RDH11: variants seen among roughly 807,000 people sequenced by gnomAD.
The protein encoded by RDH11 is HCV core-binding protein HCBP12.
A neutral mutation model predicts 33.4 loss-of-function variants in RDH11; 19 were observed. The observed-to-expected ratio is 0.57, with a 90% CI of 0.40 to 0.83. The LOEUF (loss-of-function observed/expected upper bound fraction) is 0.83. Among genes scored for constraint, RDH11 ranks in the 40% least tolerant of loss-of-function variants. The pLI, the probability that RDH11 is intolerant of heterozygous loss-of-function variation, is 0.00. For synonymous variants in RDH11, 154 were observed against 155.3 expected, an observed-to-expected ratio of 0.99 and a Z score of 0.06; for missense variants, 353 against 389.0, an observed-to-expected ratio of 0.91 and a Z score of 0.78.
chr14:67,690,757 G>C (rs1048929764), intron 4 of RDH11: 9 of 388,250 alleles, frequency 2.3e-5, no homozygotes, highest in African/African-American at 1.8e-4. Flanking sequence ...GCTGAGGCAG[G>C]AAGGTGCCTG....
rs371708534 is a variant in RDH11, at chr14:67,679,856, T to TAA, written c.855-1434_855-1433insTT. 3.0e-4 allele frequency among the ~76,000 whole-genome samples: 46 copies of TAA among 152,386 alleles called. 1 individual carries two copies. Among genetic ancestry groups the TAA allele is most frequent in the African/African-American group, 1.1e-3 (45 of 41,588 alleles). ...AAATGATTGAATGTATTACAATCTT[T>TAA]AGTCATGTGAGGAAACAATTTTTAA... On this transcript the variant is annotated intron_variant, in intron 6 of 6. Coordinates refer to ENST00000381346, the MANE Select transcript of RDH11 (RefSeq NM_016026.4).
At chr14:67,694,929 C>T (rs1429132233) in intron 1 of RDH11, among the ~76,000 whole-genome samples, 2 of 152,150 alleles carry the variant, frequency 1.3e-5, no homozygotes, top group Non-Finnish European at 2.9e-5. Flanking sequence ...GCCGGTTTTA[C>T]AGCCCGCTGC....
intron 1 of RDH11, among the ~76,000 whole-genome samples, chr14:67,693,853 G>A (rs555925395): frequency 6.6e-6 from 1 of 152,020 alleles, no homozygotes; most frequent in Non-Finnish European, 1.5e-5. Flanking sequence ...GTTTCACCAC[G>A]CTGGCCAGGA....
chr14:67,682,973 A>G (rs559962886), intron 6 of RDH11, among the ~76,000 whole-genome samples: 1 of 152,382 alleles, frequency 6.6e-6, no homozygotes, highest in South Asian at 2.1e-4. Context: ...AAAAGAAGTC[A>G]GTCACAAAAG....
chr14:67,679,993 G>C (rs997456515), intron 6 of RDH11, among the ~76,000 whole-genome samples: 1 of 152,180 alleles, frequency 6.6e-6, no homozygotes, highest in Non-Finnish European at 1.5e-5. Flanking sequence ...ACTATGTCAA[G>C]TAAGACAGTG....
rs1340145610 is a variant in RDH11, at chr14:67,678,459, T to C, written c.855-36A>G. Reference sequence around the variant, plus strand: ...AAGAGAAAGGTATGAAGCACAGTGTTAAGAATGAAGTCTGCCATCTGCCAG... The same window carrying C: ...AAGAGAAAGGTATGAAGCACAGTGTCAAGAATGAAGTCTGCCATCTGCCAG... On this transcript the variant is annotated intron_variant, in intron 6 of 6. Transcript: ENST00000381346. The C allele has an allele frequency of 2.1e-6, 3 of 1,445,828 alleles. No homozygotes were observed. The African/African-American group carries it at 4.2e-5, about 20-fold the overall frequency. 89.6% of individuals were successfully genotyped at this position (1,445,828 alleles called of 1,614,324 possible).
At chr14:67,694,356 T>A (rs1427945496) in intron 1 of RDH11, among the ~76,000 whole-genome samples, 1 of 151,240 alleles carries the variant, frequency 6.6e-6, no homozygotes, top group African/African-American at 2.4e-5. Flanking sequence ...CCAGCAGGAA[T>A]GAAAGAGACA....
At position 67,695,717 on chromosome 14, in the gene RDH11, A is replaced by T; in HGVS notation, c.-14T>A. 6.2e-7 allele frequency: 1 copy of T among 1,613,360 alleles called. No homozygotes were observed. Among genetic ancestry groups the T allele is most frequent in the Non-Finnish European group, 8.5e-7 (1 of 1,179,418 alleles). Reference sequence around the variant, plus strand: ...GAGCTCAACCATCTCTGCCGGCTGCAGCGGCACCAGAGCGGGATGCTCCAG... The same window carrying T: ...GAGCTCAACCATCTCTGCCGGCTGCTGCGGCACCAGAGCGGGATGCTCCAG... On this transcript the variant is annotated 5_prime_UTR_variant, in exon 1 of 7. Coordinates refer to ENST00000381346, the MANE Select transcript of RDH11 (RefSeq NM_016026.4).
intron 6 of RDH11, among the ~76,000 whole-genome samples, chr14:67,680,015 G>A (rs2037594982): frequency 1.3e-5 from 2 of 152,174 alleles, no homozygotes; most frequent in African/African-American, 4.8e-5. Flanking sequence ...GATTCAAAGT[G>A]TGCACCACAA....
rs1471279842 is a variant in RDH11, at chr14:67,678,135, G to C, written c.*186C>G. 3.7e-6 allele frequency: 2 copies of C among 535,494 alleles called. No homozygotes were observed. The highest frequency in any genetic ancestry group is 6.4e-5 in the East Asian group (2 of 31,274). The allele number at this position is 535,494 out of a possible 1,614,324, so 33.2% of individuals were successfully genotyped here. Reference sequence around the variant, plus strand: ...CAGTAACAGAAGCAAAGTAAATCTGGACATGACAGACATTTAGACGAATCT... The same window carrying C: ...CAGTAACAGAAGCAAAGTAAATCTGCACATGACAGACATTTAGACGAATCT... On this transcript the variant is annotated 3_prime_UTR_variant, in exon 7 of 7. Transcript: ENST00000381346.
At chr14:67,686,636 TGC>T (rs2037682015) in intron 5 of RDH11, among the ~76,000 whole-genome samples, 1 of 35,810 alleles carries the variant, frequency 2.8e-5, no homozygotes, top group Non-Finnish European at 5.2e-5. Context: ...GAGACACCGG[TGC>T]AAAAAAAAAA....
At chr14:67,695,286 C>A (rs2037815684) in intron 1 of RDH11, among the ~76,000 whole-genome samples, 1 of 152,180 alleles carries the variant, frequency 6.6e-6, no homozygotes, top group African/African-American at 2.4e-5. Context: ...GGGAAAACAG[C>A]GTCGGGCCAT....
chr14:67,687,634 G>A lies in RDH11; in HGVS notation c.665-2430C>T, dbSNP rs367644427. ...CTACAGGCACACGCCAACATGCCCG[G>A]CTAATTTTGTATTTTTAGTAGAGAT... On this transcript the variant is annotated intron_variant, in intron 5 of 6. Coordinates refer to ENST00000381346, the MANE Select transcript of RDH11 (RefSeq NM_016026.4). Among the ~76,000 whole-genome samples, 147 of 151,918 alleles carry A rather than the reference G, an allele frequency of 9.7e-4. 1 individual carries two copies. Among genetic ancestry groups the A allele is most frequent in the African/African-American group, 3.4e-3 (140 of 41,440 alleles).
At chr14:67,679,062 A>G (rs960372278) in intron 6 of RDH11, among the ~76,000 whole-genome samples, 3 of 152,208 alleles carry the variant, frequency 2.0e-5, no homozygotes, top group African/African-American at 7.2e-5. Flanking sequence ...GCTTATGATT[A>G]TGGAAGCTGA....
Position 67,683,067 on chromosome 14 carries a change from G to A in RDH11, c.854+1948C>T, listed in dbSNP as rs549746683. On this transcript the variant is annotated intron_variant, in intron 6 of 6. Transcript: ENST00000381346. The stretch of plus-strand genomic sequence containing the variant: ...ACATAAAGCAGACTAGTGGTTGCAG[G>A]CAGAAAGAAGAGCCAGTGCAAAAAT... Among the ~76,000 whole-genome samples the A allele has an allele frequency of 2.2e-4, 33 of 152,270 alleles. No individual in the cohort carries two copies. The East Asian group carries it at 6.2e-3, about 28-fold the overall frequency.
At chr14:67,684,774 A>T (rs1485118918) in intron 6 of RDH11, 1 of 337,030 alleles carries the variant, frequency 3.0e-6, no homozygotes, top group Non-Finnish European at 5.3e-6. Context: ...GACTGACATA[A>T]CAAAGACAGG....
At chr14:67,685,406 C>T in intron 5 of RDH11, among the ~76,000 whole-genome samples, 1 of 152,166 alleles carries the variant, frequency 6.6e-6, no homozygotes, top group Non-Finnish European at 1.5e-5. Context: ...TGCTAAGGAC[C>T]TCTGTGTATT....
At chr14:67,688,127 C>A (rs189577078) in intron 5 of RDH11, among the ~76,000 whole-genome samples, 1 of 152,128 alleles carries the variant, frequency 6.6e-6, no homozygotes, top group Non-Finnish European at 1.5e-5. Flanking sequence ...AATCATCCTT[C>A]GGGGCTCAGC....
chr14:67,691,988 A>C (rs1459158198), intron 3 of RDH11: 1 of 156,286 alleles, frequency 6.4e-6, no homozygotes, highest in Non-Finnish European at 1.4e-5. Flanking sequence ...AAGAGATGGT[A>C]AACTTCTTTG....
Sources: gnomAD v4.1 joint callset for allele counts (sites outside exome capture counted in the v4.1 genomes callset) on GRCh38, gnomAD v4.1.1 for gene constraint, MANE v1.5 for transcripts, NCBI Gene and HGNC (gene_info 2026-07-23, HGNC 2026-07-21) for gene names.